Variants in PARD3B observed in about 807,000 individuals in gnomAD.
PARD3B encodes the protein partitioning defective 3 homolog B.
Under a neutral mutation model 130.2 loss-of-function variants are expected in PARD3B, and 103 were observed. That is an observed-to-expected ratio of 0.79 (90% CI 0.67 to 0.93). PARD3B has a LOEUF of 0.93. Ranked by LOEUF, PARD3B falls within the 40% of genes least tolerant of loss-of-function variation. PARD3B has a pLI of 0.00. For missense variants in PARD3B, 1,609 were observed against 1,499.2 expected (o/e 1.07, Z -1.21); for synonymous variants, 583 against 553.2 (o/e 1.05, Z -0.76).
chr2:205,204,724 G>T (rs886517072), intron 15 of PARD3B, among the ~76,000 whole-genome samples: 2 of 152,150 alleles, frequency 1.3e-5, no homozygotes, highest in Non-Finnish European at 2.9e-5. Context: ...CCCATTGCTT[G>T]TTTTTGTCAG....
At chr2:205,248,783 A>G (rs887389275) in intron 16 of PARD3B, among the ~76,000 whole-genome samples, 3 of 148,038 alleles carry the variant, frequency 2.0e-5, no homozygotes, top group African/African-American at 7.5e-5. Context: ...AATTTTTTGT[A>G]TTTTCAGTAG....
intron 22 of PARD3B, among the ~76,000 whole-genome samples, chr2:205,569,982 A>T (rs1039544887): frequency 1.7e-4 from 26 of 152,138 alleles, no homozygotes; most frequent in Admixed American, 8.5e-4. Flanking sequence ...AGGTGATCAG[A>T]ACTCTAAGCA....
At chr2:205,507,256 G>A (rs911654346) in intron 21 of PARD3B, among the ~76,000 whole-genome samples, 2 of 110,114 alleles carry the variant, frequency 1.8e-5, no homozygotes, top group East Asian at 3.0e-4. Flanking sequence ...GCTCTGTCAC[G>A]CAGGCTGGAG....
At position 204,722,769 on chromosome 2, in the gene PARD3B, A is replaced by G. The variant is rs185063270; in HGVS notation, c.222+36487A>G. Among the ~76,000 whole-genome samples, 3 of 152,182 alleles carry G rather than the reference A, an allele frequency of 2.0e-5. No individual in the cohort carries two copies. The East Asian group carries it at 5.8e-4, about 29-fold the overall frequency. On this transcript the variant is annotated intron_variant, in intron 2 of 22. Coordinates refer to ENST00000406610, the MANE Select transcript of PARD3B (RefSeq NM_001302769.2). ...AGTTTACAATGCGTTAGTTCTGTGG[A>G]GCTCTGGTGGGGGCATCTTCTGAAT...
intron 1 of PARD3B, among the ~76,000 whole-genome samples, chr2:204,547,442 A>G (rs901256480): frequency 6.6e-6 from 1 of 152,208 alleles, no homozygotes; most frequent in Non-Finnish European, 1.5e-5. Flanking sequence ...AGTGGTTTAT[A>G]AAGCTGTGTG....
chr2:205,035,043 AGT>A (rs1697708624), intron 3 of PARD3B, among the ~76,000 whole-genome samples: 3 of 151,910 alleles, frequency 2.0e-5, no homozygotes, highest in Admixed American at 6.6e-5. Flanking sequence ...TTGTACTTTT[AGT>A]AGAGACAGGG....
At position 205,405,902 on chromosome 2, in the gene PARD3B, CA is replaced by C. The variant is rs1223202017; in HGVS notation, c.2741+4780del. On this transcript the variant is annotated intron_variant, in intron 19 of 22. Transcript: ENST00000406610. This position sits in a 1 kb window ranked among gnomAD's most constrained non-coding sequence, Gnocchi z 4.1. ...TGGTTTTAGTTGAGCATAAGTTTAG[CA>C]TGAGTCAACATGTGGATATGCCTGC... 6.6e-6 allele frequency among the ~76,000 whole-genome samples: 1 copy of C among 152,178 alleles called. No homozygotes were observed. The highest frequency in any genetic ancestry group is 1.5e-5 in the Non-Finnish European group (1 of 68,042).
intron 2 of PARD3B, among the ~76,000 whole-genome samples, chr2:204,792,972 G>A (rs2042248725): frequency 6.6e-6 from 1 of 151,776 alleles, no homozygotes; most frequent in Non-Finnish European, 1.5e-5. Context: ...GTAACAAGCA[G>A]AATCACTGAC....
Position 205,123,789 on chromosome 2 carries a change from T to A in PARD3B, c.1166-538T>A, listed in dbSNP as rs1037747993. The stretch of plus-strand genomic sequence containing the variant: ...GTAAGGATCCTTCAGGGTAGAGAAA[T>A]CTGAGCATACCTTTAGACTGAGTGA... On this transcript the variant is annotated intron_variant, in intron 8 of 22. Transcript: ENST00000406610. Among the ~76,000 whole-genome samples, 17 of 151,556 alleles carry A rather than the reference T, an allele frequency of 1.1e-4. 1 individual carries two copies. Among genetic ancestry groups the A allele is most frequent in the African/African-American group, 4.1e-4 (17 of 41,304 alleles).
intron 10 of PARD3B, among the ~76,000 whole-genome samples, chr2:205,155,905 T>C (rs1559492317): frequency 6.6e-6 from 1 of 152,180 alleles, no homozygotes; most frequent in African/African-American, 2.4e-5. Flanking sequence ...TTTGTTTTTT[T>C]CTTGGGTAAT....
intron 20 of PARD3B, among the ~76,000 whole-genome samples, chr2:205,441,140 G>A (rs1022727816): frequency 4.6e-5 from 7 of 152,132 alleles, no homozygotes; most frequent in African/African-American, 1.4e-4. Flanking sequence ...TAAGATGGGG[G>A]TTTTGTACTC....
intron 10 of PARD3B, among the ~76,000 whole-genome samples, chr2:205,127,724 G>T (rs961489200): frequency 1.9e-4 from 29 of 151,856 alleles, no homozygotes; most frequent in African/African-American, 6.8e-4. Context: ...ACAAAATAGG[G>T]AAAATAAGAA....
At chr2:205,211,809 G>T (rs1159390919) in intron 15 of PARD3B, among the ~76,000 whole-genome samples, 1 of 152,072 alleles carries the variant, frequency 6.6e-6, no homozygotes, top group South Asian at 2.1e-4. Flanking sequence ...GCTGATCCAG[G>T]AACTAACTGG....
rs80136103 is a variant in PARD3B, at chr2:204,610,046, G to A, written c.120+63927G>A. On this transcript the variant is annotated intron_variant, in intron 1 of 22. Coordinates refer to ENST00000406610, the MANE Select transcript of PARD3B (RefSeq NM_001302769.2). The surrounding 1 kb of genome is among the most constrained non-coding windows in gnomAD (Gnocchi z 4.1). ...ACTTGGTGTCTTATTGCCACAAAGC[G>A]TCTGTTTTTTCAGTCTTATGATGCC... Among the ~76,000 whole-genome samples, 3,262 of 152,138 alleles carry A rather than the reference G, an allele frequency of 0.021. 104 individuals are homozygous for A. Among genetic ancestry groups the A allele is most frequent in the African/African-American group, 0.075 (3,112 of 41,486 alleles).
intron 20 of PARD3B, among the ~76,000 whole-genome samples, chr2:205,491,680 C>G (rs1382890913): frequency 1.3e-5 from 2 of 152,108 alleles, no homozygotes; most frequent in East Asian, 3.9e-4. Context: ...GTTAAGATTT[C>G]CAAGACAAGT....
intron 1 of PARD3B, among the ~76,000 whole-genome samples, chr2:204,550,639 A>G (rs998095419): frequency 6.6e-6 from 1 of 152,216 alleles, no homozygotes; most frequent in Non-Finnish European, 1.5e-5. Flanking sequence ...GAAAGGAAAA[A>G]TTATATTTGA....
chr2:205,614,567 G>A (rs547363358), intron 22 of PARD3B, among the ~76,000 whole-genome samples: 8 of 152,042 alleles, frequency 5.3e-5, no homozygotes, highest in Non-Finnish European at 7.4e-5. Context: ...TTAGTCAGGT[G>A]TAGTGGTGGG....
At chr2:204,596,206 T>A (rs1239948424) in intron 1 of PARD3B, among the ~76,000 whole-genome samples, 2 of 152,290 alleles carry the variant, frequency 1.3e-5, no homozygotes, top group East Asian at 1.9e-4. Flanking sequence ...TTGAACAAAC[T>A]TTTTGTGAAA....
intron 11 of PARD3B, among the ~76,000 whole-genome samples, chr2:205,164,227 G>A (rs77856781): frequency 0.017 from 2,611 of 152,202 alleles, 71 homozygotes; most frequent in African/African-American, 0.059. Flanking sequence ...GAAAATGTTA[G>A]CATATGTTAA....
Sources: allele counts gnomAD v4.1 joint callset (sites outside exome capture counted in the v4.1 genomes callset), GRCh38; gene constraint gnomAD v4.1.1; non-coding constraint Gnocchi (gnomAD v3.1); transcripts MANE v1.5; gene names NCBI Gene and HGNC (gene_info 2026-07-23, HGNC 2026-07-21).